Variants in ARID5B observed in about 807,000 individuals in gnomAD.
ARID5B encodes the protein AT-rich interaction domain 5B.
ARID5B carries 13 observed loss-of-function variants against 97.2 expected under a neutral mutation model. The ratio of observed to expected loss-of-function variants is 0.13; its 90% CI spans 0.09 to 0.21. The LOEUF is 0.21. Among genes scored for constraint, ARID5B ranks in the 10% least tolerant of loss-of-function variants. The pLI is 1.00. For synonymous variants in ARID5B, 556 were observed against 570.3 expected, an observed-to-expected ratio of 0.97 and a Z score of 0.36; for missense variants, 1,210 against 1,465.3, an observed-to-expected ratio of 0.83 and a Z score of 2.84.
chr10:62,092,218 G>A lies in ARID5B; in HGVS notation c.2755G>A (p.Gly919Ser), dbSNP rs776070701. 1.2e-6 allele frequency: 2 copies of A among 1,610,964 alleles called. No homozygotes were observed. Among genetic ancestry groups the A allele is most frequent in the South Asian group, 1.1e-5 (1 of 90,502 alleles). Reference protein sequence around the residue: ...SLPKNPHKPTGKVLGLAHSTT... With the variant: ...SLPKNPHKPTSKVLGLAHSTT... The stretch of plus-strand genomic sequence containing the variant: ...TCCCAAGAACCCGCACAAACCTACC[G>A]GCAAGGTCCTGGGCCTGGCTCATTC... The change falls in exon 10 of 10, where the codon GGC becomes AGC. Residue 919 changes from glycine to serine, a missense_variant. Gly to Ser is a moderately conservative substitution (Grantham distance 56). Around this residue, in one of 8 missense-constraint regions of ARID5B, gnomAD observed 800 missense variants for 839.1 expected, o/e 0.95. Coordinates refer to ENST00000279873, the MANE Select transcript of ARID5B (RefSeq NM_032199.3).
chr10:62,046,696 A>T, intron 4 of ARID5B: 1 of 151,844 alleles, frequency 6.6e-6, no homozygotes, highest in Non-Finnish European at 1.5e-5. Flanking sequence ...TTTTTTTTTT[A>T]AACCACAGAG....
rs566406433 is a variant in ARID5B at position 61,913,815 on chromosome 10, A to T, written c.276+11402A>T. ...TGCCCAGGCTGGAGTACAATGGCGC[A>T]ATCTCAGCTCACCGCAACCTCCGCC... is the stretch of plus-strand genomic sequence containing the variant. On this transcript the variant is annotated intron_variant, in intron 2 of 9. Coordinates refer to ENST00000279873, the MANE Select transcript of ARID5B (RefSeq NM_032199.3). Among the ~76,000 whole-genome samples, 11 of 152,296 alleles carry T rather than the reference A, an allele frequency of 7.2e-5. No individual in the cohort carries two copies. The South Asian group carries it at 2.1e-3, about 29-fold the overall frequency.
At chr10:61,933,542 C>T (rs139110478) in intron 2 of ARID5B, among the ~76,000 whole-genome samples, 1 of 152,296 alleles carries the variant, frequency 6.6e-6, no homozygotes, top group East Asian at 1.9e-4. Context: ...GTCAAAGTTA[C>T]TCCTTGATCC....
At chr10:61,955,843 G>A (rs1838384728) in intron 3 of ARID5B, among the ~76,000 whole-genome samples, 1 of 152,034 alleles carries the variant, frequency 6.6e-6, no homozygotes, top group African/African-American at 2.4e-5. Context: ...TAGAGACGGG[G>A]TTTCGTCATG....
intron 3 of ARID5B, among the ~76,000 whole-genome samples, chr10:61,966,355 G>A (rs2132827869): frequency 6.6e-6 from 1 of 152,220 alleles, no homozygotes; most frequent in South Asian, 2.1e-4. Flanking sequence ...CCCCCAAGAA[G>A]TCATCTTTCT....
At chr10:61,910,016 C>A (rs1299801308) in intron 2 of ARID5B, among the ~76,000 whole-genome samples, 1 of 152,174 alleles carries the variant, frequency 6.6e-6, no homozygotes, top group Non-Finnish European at 1.5e-5. Context: ...AAGATTCACT[C>A]CTCGCCTGGT....
At chr10:62,029,028 G>A (rs780539628) in intron 4 of ARID5B, among the ~76,000 whole-genome samples, 5 of 151,048 alleles carry the variant, frequency 3.3e-5, no homozygotes, top group Non-Finnish European at 5.9e-5. Context: ...TTTACAATAC[G>A]CACCACAGCT....
At chr10:61,907,668 TAAG>T (rs1439688577) in intron 2 of ARID5B, among the ~76,000 whole-genome samples, 1 of 152,248 alleles carries the variant, frequency 6.6e-6, no homozygotes, top group Non-Finnish European at 1.5e-5. Context: ...AGAACAAAGA[TAAG>T]AATGTAAAGA....
intron 7 of ARID5B, 86 bp from the exon 8 acceptor site, chr10:62,069,614 T>C (rs1840036092): frequency 8.3e-7 from 1 of 1,201,592 alleles, no homozygotes; most frequent in Non-Finnish European, 1.2e-6. Context: ...CAGACTGTTC[T>C]CTTCTGACTG....
chr10:61,917,482 C>G (rs140016537), intron 2 of ARID5B, among the ~76,000 whole-genome samples: 2,886 of 152,198 alleles, frequency 0.019, 86 homozygotes, highest in African/African-American at 0.066. Flanking sequence ...GAAAGCACCA[C>G]CACGCCCGGC....
chr10:61,999,960 C>G lies in ARID5B; in HGVS notation c.503-131C>G, dbSNP rs879569918. ...AGTGGGGCTGGGAGGATGCTGGCAT[C>G]CCCCAGACTGTAACAAGGATGAGAG... On this transcript the variant is annotated intron_variant, in intron 3 of 9. Transcript: ENST00000279873. The G allele has an allele frequency of 2.5e-4, 221 of 899,132 alleles. 3 individuals carry two copies. The highest frequency in any genetic ancestry group is 3.8e-4 in the Non-Finnish European group (216 of 572,550). The allele number at this position is 899,132 out of a possible 1,614,324, so 55.7% of individuals were successfully genotyped here.
intron 3 of ARID5B, among the ~76,000 whole-genome samples, chr10:61,945,632 C>T (rs993560113): frequency 6.6e-5 from 10 of 152,088 alleles, no homozygotes; most frequent in African/African-American, 1.9e-4. Flanking sequence ...TTTATACATT[C>T]AGCTTTGTTT....
chr10:61,903,875 A>ACCCCCCCCCCCCCCC (rs1843663322), intron 2 of ARID5B, among the ~76,000 whole-genome samples: 1 of 56,488 alleles, frequency 1.8e-5, no homozygotes, highest in African/African-American at 6.7e-5. Context: ...AGCCCCTCCC[A>ACCCCCCCCCCCCCCC]CCTCCCCGCT....
chr10:62,008,229 C>T (rs1839172230), intron 4 of ARID5B, among the ~76,000 whole-genome samples: 1 of 152,122 alleles, frequency 6.6e-6, no homozygotes, highest in Non-Finnish European at 1.5e-5. Context: ...TGGATGGATA[C>T]GTTTATAGCG....
At chr10:61,920,680 C>T (rs1049734963) in intron 2 of ARID5B, among the ~76,000 whole-genome samples, 2 of 152,110 alleles carry the variant, frequency 1.3e-5, no homozygotes, top group African/African-American at 2.4e-5. Flanking sequence ...AAGGGCATAA[C>T]ATAATATTGC....
chr10:62,034,004 T>C lies in ARID5B; in HGVS notation c.734-16884T>C, dbSNP rs566732885. Reference sequence around the variant, plus strand: ...GCCAACTTCACCAGTGCTGTGATGATGGAAGGAAAGATGACATATCTTTTT... The same window carrying C: ...GCCAACTTCACCAGTGCTGTGATGACGGAAGGAAAGATGACATATCTTTTT... On this transcript the variant is annotated intron_variant, in intron 4 of 9. Transcript: ENST00000279873. 9.8e-5 allele frequency among the ~76,000 whole-genome samples: 15 copies of C among 152,290 alleles called. No individual in the cohort carries two copies. In the East Asian group the frequency reaches 2.9e-3, roughly 29 times the overall value.
At chr10:61,977,132 GT>G (rs1167366181) in intron 3 of ARID5B, among the ~76,000 whole-genome samples, 1 of 152,148 alleles carries the variant, frequency 6.6e-6, no homozygotes, top group African/African-American at 2.4e-5. Context: ...CCTTGCAATA[GT>G]TTGCTGAGAA....
At chr10:61,913,849 T>C (rs1375936582) in intron 2 of ARID5B, among the ~76,000 whole-genome samples, 1 of 152,196 alleles carries the variant, frequency 6.6e-6, no homozygotes, top group Non-Finnish European at 1.5e-5. Context: ...CCTCCCAGAT[T>C]CAAGCGATTC....
chr10:62,024,477 A>G (rs1189816849), intron 4 of ARID5B, among the ~76,000 whole-genome samples: 1 of 152,218 alleles, frequency 6.6e-6, no homozygotes, highest in East Asian at 1.9e-4. Context: ...AGTTTATAAT[A>G]GCAATTACAA....
Sources: allele counts gnomAD v4.1 joint callset (sites outside exome capture counted in the v4.1 genomes callset), GRCh38; gene constraint gnomAD v4.1.1; regional missense constraint gnomAD v4.1.1; transcripts MANE v1.5; gene names NCBI Gene and HGNC (gene_info 2026-07-23, HGNC 2026-07-21).